The following CDA variants were observed in gnomAD, a reference collection of about 807,000 sequenced individuals.
The protein encoded by CDA is cytidine aminohydrolase.
In CDA, 7 loss-of-function variants were observed where a neutral mutation model predicts 15.0. The ratio of observed to expected loss-of-function variants is 0.47; its 90% CI spans 0.26 to 0.87. The LOEUF (loss-of-function observed/expected upper bound fraction) is 0.87. Among genes scored for constraint, CDA ranks in the 40% least tolerant of loss-of-function variants. The probability of loss-of-function intolerance (pLI) is 0.15; values close to 1 mark genes in which losing one functional copy is unlikely to be tolerated. For missense variants in CDA, 159 were observed against 182.7 expected, an observed-to-expected ratio of 0.87 and a Z score of 0.75; for synonymous variants, 58 against 73.0, an observed-to-expected ratio of 0.79 and a Z score of 1.05.
chr1:20,610,165 T>C (rs1385010218), intron 2 of CDA, among the ~76,000 whole-genome samples: 1 of 152,120 alleles, frequency 6.6e-6, no homozygotes, highest in Non-Finnish European at 1.5e-5. Flanking sequence ...CCAATGACAG[T>C]GCCCAGCACT....
chr1:20,605,374 C>T (rs944151920), intron 2 of CDA, among the ~76,000 whole-genome samples: 3 of 151,996 alleles, frequency 2.0e-5, no homozygotes, highest in Non-Finnish European at 4.4e-5. Flanking sequence ...GCGGGGGGAA[C>T]CTGAGCCAGG....
intron 1 of CDA, among the ~76,000 whole-genome samples, chr1:20,593,791 T>C (rs1199339111): frequency 6.6e-6 from 1 of 152,176 alleles, no homozygotes; most frequent in Non-Finnish European, 1.5e-5. Flanking sequence ...CCCAGGTTGG[T>C]CTCGAACTCC....
intron 3 of CDA, among the ~76,000 whole-genome samples, chr1:20,617,175 T>G (rs2052820131): frequency 6.6e-6 from 1 of 152,102 alleles, no homozygotes; most frequent in Non-Finnish European, 1.5e-5. Flanking sequence ...AGACACTGAG[T>G]GAGCCCCAGA....
Position 20,589,241 on chromosome 1 carries a change from G to T in CDA, c.112G>T (p.Val38Leu), listed in dbSNP as rs752974013. 2.5e-6 allele frequency: 4 copies of T among 1,613,864 alleles called. No homozygotes were observed. Among genetic ancestry groups the T allele is most frequent in the Non-Finnish European group, 3.4e-6 (4 of 1,179,814 alleles). Residue 38 changes from valine to leucine, a missense_variant, in exon 1 of 4, where the codon GTG (valine) becomes TTG (leucine). Coordinates refer to ENST00000375071, the MANE Select transcript of CDA (RefSeq NM_001785.3). ...SAYCPYSHFP[V>L]GAALLTQEGR... ...CTACTGCCCCTACAGTCACTTTCCT[G>T]TGGGGGCTGCCCTGCTCACCCAGGA...
At chr1:20,607,234 T>C (rs2052701953) in intron 2 of CDA, among the ~76,000 whole-genome samples, 1 of 152,216 alleles carries the variant, frequency 6.6e-6, no homozygotes, top group Admixed American at 6.5e-5. Flanking sequence ...GTGCCTTTTA[T>C]AAGATCCTAC....
chr1:20,608,292 T>C (rs1287613191), intron 2 of CDA, among the ~76,000 whole-genome samples: 2 of 149,148 alleles, frequency 1.3e-5, no homozygotes, highest in South Asian at 2.1e-4. Context: ...GCCTGGCTTC[T>C]CATCTGTGAA....
chr1:20,618,083 G>T (rs562287803), intron 3 of CDA, among the ~76,000 whole-genome samples: 1 of 151,700 alleles, frequency 6.6e-6, no homozygotes, highest in East Asian at 1.9e-4. Context: ...AGTATATGTA[G>T]CAGGCTTGCA....
chr1:20,605,702 T>G (rs1570382273), intron 2 of CDA, among the ~76,000 whole-genome samples: 1 of 118,142 alleles, frequency 8.5e-6, no homozygotes, highest in Admixed American at 8.3e-5. Flanking sequence ...GGCATGCCCA[T>G]AGTCCCAGCT....
intron 2 of CDA, among the ~76,000 whole-genome samples, chr1:20,613,327 C>G (rs771276251): frequency 6.6e-6 from 1 of 152,090 alleles, no homozygotes; most frequent in Non-Finnish European, 1.5e-5. Flanking sequence ...CCTCAGCCTC[C>G]TGAGTAGCTG....
At chr1:20,596,162 T>A (rs192557349) in intron 1 of CDA, among the ~76,000 whole-genome samples, 217 of 152,102 alleles carry the variant, frequency 1.4e-3, no homozygotes, top group African/African-American at 4.8e-3. Flanking sequence ...AAAAAAAAAT[T>A]GTCTCATTAC....
At chr1:20,598,916 C>A (rs2052613061) in intron 1 of CDA, among the ~76,000 whole-genome samples, 1 of 152,226 alleles carries the variant, frequency 6.6e-6, no homozygotes, top group South Asian at 2.1e-4. Flanking sequence ...GACAAAATCT[C>A]TGCCCTCAGA....
rs1268458726 is a variant in CDA at position 20,604,909 on chromosome 1, G to T, written c.155-19G>T. 1 of 1,523,438 alleles carries T rather than the reference G, an allele frequency of 6.6e-7. No individual in the cohort carries two copies. Among genetic ancestry groups the T allele is most frequent in the Admixed American group, 1.7e-5 (1 of 58,654 alleles). 94.4% of individuals were successfully genotyped at this position (1,523,438 alleles called of 1,614,324 possible). On this transcript the variant is annotated intron_variant, in intron 1 of 3. Coordinates refer to ENST00000375071, the MANE Select transcript of CDA (RefSeq NM_001785.3). ...AGTGTCTCTGCCAGACATACCACTG[G>T]ACTCTGCTCTCTTCTCAGGGTGCAA... is the stretch of plus-strand genomic sequence containing the variant.
chr1:20,601,700 A>G (rs372780137), intron 1 of CDA, among the ~76,000 whole-genome samples: 50 of 152,352 alleles, frequency 3.3e-4, no homozygotes, highest in African/African-American at 1.1e-3. Flanking sequence ...CACTCCTAAC[A>G]TGCCAATGTA....
intron 2 of CDA, among the ~76,000 whole-genome samples, chr1:20,612,511 C>T (rs952787562): frequency 6.6e-6 from 1 of 152,044 alleles, no homozygotes; most frequent in African/African-American, 2.4e-5. Flanking sequence ...TGACCCCCGC[C>T]CCTGCCCACA....
chr1:20,605,580 A>G (rs2052688400), intron 2 of CDA, among the ~76,000 whole-genome samples: 1 of 122,252 alleles, frequency 8.2e-6, no homozygotes, highest in South Asian at 3.2e-4. Context: ...GAATGGTGTG[A>G]ACCTGGGAGG....
intron 1 of CDA, among the ~76,000 whole-genome samples, chr1:20,595,837 T>G (rs554934962): frequency 9.5e-4 from 106 of 111,024 alleles, no homozygotes; most frequent in African/African-American, 3.5e-3. Flanking sequence ...AGAGCAAGAC[T>G]CTCTCAAAAA....
chr1:20,596,395 C>T (rs1349855846), intron 1 of CDA, among the ~76,000 whole-genome samples: 1 of 151,988 alleles, frequency 6.6e-6, no homozygotes, highest in Non-Finnish European at 1.5e-5. Flanking sequence ...AATTTTTGAG[C>T]TCCAACCCAG....
chr1:20,593,060 C>T (rs868029650), intron 1 of CDA, among the ~76,000 whole-genome samples: 30 of 152,254 alleles, frequency 2.0e-4, no homozygotes, highest in African/African-American at 6.7e-4. Flanking sequence ...CACCACTGTA[C>T]ATCAGCTGGG....
chr1:20,600,367 G>A (rs961229879), intron 1 of CDA, among the ~76,000 whole-genome samples: 1 of 152,176 alleles, frequency 6.6e-6, no homozygotes, highest in African/African-American at 2.4e-5. Flanking sequence ...GGCAGGGACT[G>A]TAATCTGGGA....
Sources: gnomAD v4.1 joint callset for allele counts (sites outside exome capture counted in the v4.1 genomes callset) on GRCh38, gnomAD v4.1.1 for gene constraint, MANE v1.5 for transcripts, NCBI Gene and HGNC (gene_info 2026-07-23, HGNC 2026-07-21) for gene names.